PIK3CB: variants seen among roughly 807,000 people sequenced by gnomAD.
The protein encoded by PIK3CB is phosphatidylinositol-4,5-bisphosphate 3-kinase catalytic subunit beta.
PIK3CB carries 39 observed loss-of-function variants against 136.8 expected under a neutral mutation model. The observed-to-expected ratio is 0.29, with a 90% CI of 0.22 to 0.37. PIK3CB has a LOEUF of 0.37. PIK3CB is among the 10% of genes least tolerant of loss of function. The pLI is 1.00. For synonymous variants in PIK3CB, 428 were observed against 436.6 expected (o/e 0.98, Z 0.25); for missense variants, 868 against 1,275.4 (o/e 0.68, Z 4.87).
In PIK3CB at chr3:138,809,265, G is replaced by C. The variant is rs187829921; in HGVS notation, c.-121-12698C>G. Among the ~76,000 whole-genome samples the C allele has an allele frequency of 3.8e-3, 567 of 149,176 alleles. 5 individuals are homozygous for C. The highest frequency in any genetic ancestry group is 0.013 in the African/African-American group (544 of 40,430). The stretch of plus-strand genomic sequence containing the variant: ...TGCACTCCAGCCTGGGAGACAGAGT[G>C]AGATTCTGTCTCAAAAAAAAACTTA... On this transcript the variant is annotated intron_variant, in intron 1 of 23. Coordinates refer to ENST00000674063, the MANE Select transcript of PIK3CB (RefSeq NM_006219.3).
At chr3:138,766,898 G>C (rs904049546) in intron 2 of PIK3CB, among the ~76,000 whole-genome samples, 1 of 152,192 alleles carries the variant, frequency 6.6e-6, no homozygotes, top group African/African-American at 2.4e-5. Context: ...AACTGAGTTA[G>C]ACTGGCTGTC....
At chr3:138,748,514 T>A (rs2045407845) in intron 4 of PIK3CB, among the ~76,000 whole-genome samples, 1 of 152,226 alleles carries the variant, frequency 6.6e-6, no homozygotes, top group Non-Finnish European at 1.5e-5. Context: ...TACAAACCTA[T>A]GGATATACTA....
intron 1 of PIK3CB, among the ~76,000 whole-genome samples, chr3:138,830,498 A>G (rs1054016686): frequency 1.3e-5 from 2 of 151,968 alleles, no homozygotes; most frequent in African/African-American, 2.4e-5. Flanking sequence ...GGTTGCAGCG[A>G]GCCAAGATGG....
At chr3:138,792,324 T>G (rs2046060527) in intron 2 of PIK3CB, among the ~76,000 whole-genome samples, 1 of 149,770 alleles carries the variant, frequency 6.7e-6, no homozygotes, top group Admixed American at 6.8e-5. Flanking sequence ...TCACAAGGCA[T>G]TTACATTGTA....
intron 2 of PIK3CB, among the ~76,000 whole-genome samples, chr3:138,786,178 T>C (rs1576412897): frequency 6.6e-6 from 1 of 152,110 alleles, no homozygotes. Flanking sequence ...AAGAAAACAG[T>C]CTCTCCTGGG....
At chr3:138,657,944 G>A in intron 21 of PIK3CB, 109 bp from the exon 22 acceptor site, 1 of 998,902 alleles carries the variant, frequency 1.0e-6, no homozygotes, top group South Asian at 1.7e-5. Context: ...ATCCACATCT[G>A]AGCCCTTCTC....
At chr3:138,764,523 G>A (rs946751143) in intron 2 of PIK3CB, among the ~76,000 whole-genome samples, 2 of 152,208 alleles carry the variant, frequency 1.3e-5, no homozygotes, top group Non-Finnish European at 2.9e-5. Flanking sequence ...CTAGCACTTT[G>A]GGAGGCCAAG....
At chr3:138,781,033 T>C (rs1388543523) in intron 2 of PIK3CB, among the ~76,000 whole-genome samples, 2 of 152,174 alleles carry the variant, frequency 1.3e-5, no homozygotes, top group Non-Finnish European at 2.9e-5. Context: ...CTCGTGCCTG[T>C]AATCCCAGCA....
chr3:138,800,638 T>C (rs761801802), intron 1 of PIK3CB, among the ~76,000 whole-genome samples: 1 of 152,068 alleles, frequency 6.6e-6, no homozygotes, highest in African/African-American at 2.4e-5. Flanking sequence ...ATTATTATTA[T>C]TTTTGAGACG....
intron 10 of PIK3CB, among the ~76,000 whole-genome samples, 191 bp downstream of exon 10, chr3:138,712,017 G>T (rs1195809668): frequency 6.8e-6 from 1 of 147,334 alleles, no homozygotes; most frequent in African/African-American, 2.4e-5. Context: ...AATTTGTAAA[G>T]AAATCTACTC....
At chr3:138,772,044 T>C (rs1020637999) in intron 2 of PIK3CB, among the ~76,000 whole-genome samples, 5 of 150,404 alleles carry the variant, frequency 3.3e-5, no homozygotes, top group Admixed American at 2.0e-4. Context: ...TAAAGCAAAA[T>C]ATATAAAAAT....
chr3:138,680,250 C>T (rs890025278), intron 19 of PIK3CB, among the ~76,000 whole-genome samples: 22 of 151,498 alleles, frequency 1.5e-4, no homozygotes, highest in Non-Finnish European at 2.4e-4. Context: ...CCCAGCTACT[C>T]GCGAGGCTGA....
At chr3:138,782,733 A>C (rs2045935256) in intron 2 of PIK3CB, among the ~76,000 whole-genome samples, 1 of 152,204 alleles carries the variant, frequency 6.6e-6, no homozygotes, top group African/African-American at 2.4e-5. Context: ...TCCACTGGTC[A>C]TAGTGGAATA....
At chr3:138,741,335 C>T (rs1428099760) in intron 5 of PIK3CB, among the ~76,000 whole-genome samples, 2 of 152,206 alleles carry the variant, frequency 1.3e-5, no homozygotes, top group Admixed American at 6.5e-5. Context: ...AGTCTCTTCA[C>T]TGTAAGATGG....
intron 1 of PIK3CB, among the ~76,000 whole-genome samples, chr3:138,814,381 G>A (rs1446848496): frequency 1.3e-5 from 2 of 151,892 alleles, no homozygotes; most frequent in Non-Finnish European, 2.9e-5. Context: ...GGGAGGTTGA[G>A]GCAGGAGAAT....
chr3:138,665,062 C>T lies in PIK3CB; in HGVS notation c.2646G>A (p.Leu882=), dbSNP rs1377388133. Residue 882 remains leucine, a synonymous_variant, in exon 20 of 24, where the codon CTG becomes CTA. Coordinates refer to ENST00000674063, the MANE Select transcript of PIK3CB (RefSeq NM_006219.3). ...AAAAFNKDAL[L]NWLKEYNSGD... ...CAGAGTTGTATTCTTTAAGCCAGTT[C>T]AGAAGGGCATCTTTGTTGAAGGCTG... 3.1e-6 allele frequency: 5 copies of T among 1,611,768 alleles called. No homozygotes were observed. Among genetic ancestry groups the T allele is most frequent in the Non-Finnish European group, 4.2e-6 (5 of 1,178,616 alleles).
intron 22 of PIK3CB, chr3:138,657,319 A>G (rs1345806991): frequency 4.1e-5 from 7 of 169,606 alleles, no homozygotes; most frequent in Non-Finnish European, 8.7e-5. Context: ...GTAATAGATC[A>G]GAGATTAAAA....
chr3:138,829,064 A>G (rs1420106186), intron 1 of PIK3CB, among the ~76,000 whole-genome samples: 1 of 151,512 alleles, frequency 6.6e-6, no homozygotes, highest in East Asian at 1.9e-4. Context: ...AGCCTCCCAA[A>G]GTTCTGGGAT....
chr3:138,748,624 C>A (rs978350722), intron 4 of PIK3CB, among the ~76,000 whole-genome samples: 1 of 152,124 alleles, frequency 6.6e-6, no homozygotes, highest in African/African-American at 2.4e-5. Flanking sequence ...ATCCATGTAT[C>A]ATTATACAGT....
Sources: gnomAD v4.1 joint callset for allele counts (sites outside exome capture counted in the v4.1 genomes callset) on GRCh38, gnomAD v4.1.1 for gene constraint, MANE v1.5 for transcripts, NCBI Gene and HGNC (gene_info 2026-07-23, HGNC 2026-07-21) for gene names.